The following EBF2 variants were observed in gnomAD, a reference collection of about 807,000 sequenced individuals.
EBF2 encodes transcription factor COE2.
EBF2 carries 21 observed loss-of-function variants against 72.8 expected under a neutral mutation model. The observed-to-expected ratio is 0.29, with a 90% CI of 0.20 to 0.42. EBF2 has a LOEUF of 0.42. Ranked by LOEUF, EBF2 falls within the 10% of genes least tolerant of loss-of-function variation. The pLI is 1.00. For missense variants in EBF2, 637 were observed against 731.2 expected (o/e 0.87, Z 1.49); for synonymous variants, 299 against 274.2 (o/e 1.09, Z -0.89).
At chr8:25,976,625 G>A (rs1804272690) in intron 6 of EBF2, among the ~76,000 whole-genome samples, 1 of 143,332 alleles carries the variant, frequency 7.0e-6, no homozygotes, top group Non-Finnish European at 1.6e-5. Context: ...AAAGAGATGA[G>A]GGGCTTTCTT....
chr8:26,041,017 A>T lies in EBF2; in HGVS notation c.289-15T>A. ...TTGCCTTGTTCCTGAAAAGACAGGC[A>T]GCGTTCGATTCCCTTGCCTTTCAGC... On this transcript the variant is annotated splice_polypyrimidine_tract_variant and intron_variant, in intron 2 of 15. Coordinates refer to ENST00000520164, the MANE Select transcript of EBF2 (RefSeq NM_022659.4). The T allele has an allele frequency of 6.2e-7, 1 of 1,613,928 alleles. No homozygotes were observed. Among genetic ancestry groups the T allele is most frequent in the South Asian group, 1.1e-5 (1 of 90,956 alleles).
chr8:25,975,036 T>G (rs1367527305), intron 6 of EBF2, among the ~76,000 whole-genome samples: 1 of 152,170 alleles, frequency 6.6e-6, no homozygotes, highest in African/African-American at 2.4e-5. Flanking sequence ...GCAAAGAGAT[T>G]AATCAGAGAC....
intron 6 of EBF2, among the ~76,000 whole-genome samples, chr8:25,913,130 T>G (rs1039653195): frequency 3.3e-5 from 5 of 152,150 alleles, no homozygotes; most frequent in African/African-American, 1.2e-4. Flanking sequence ...TAGTTCCTCC[T>G]TAAAATTTTT....
At chr8:25,859,661 A>C (rs1424649833) in intron 13 of EBF2, among the ~76,000 whole-genome samples, 1 of 152,036 alleles carries the variant, frequency 6.6e-6, no homozygotes, top group Non-Finnish European at 1.5e-5. Context: ...AAAGAATTTG[A>C]TATTTGTTCT....
chr8:25,921,293 T>C (rs1431897409), intron 6 of EBF2, among the ~76,000 whole-genome samples: 2 of 152,230 alleles, frequency 1.3e-5, no homozygotes, highest in Admixed American at 1.3e-4. Flanking sequence ...GTCAGCCGAC[T>C]TTCATTAGAA....
intron 6 of EBF2, among the ~76,000 whole-genome samples, chr8:25,934,903 A>G: frequency 1.1e-5 from 1 of 87,082 alleles, no homozygotes; most frequent in East Asian, 2.5e-4. Flanking sequence ...TGCCAGAACT[A>G]GTACCACCAG....
intron 6 of EBF2, among the ~76,000 whole-genome samples, chr8:25,941,374 T>A (rs556565783): frequency 5.9e-5 from 9 of 152,046 alleles, no homozygotes; most frequent in African/African-American, 2.2e-4. Context: ...CCTGGCTAAT[T>A]TTTGTATTTT....
intron 2 of EBF2, chr8:26,041,277 G>A (rs1386923711): frequency 2.7e-5 from 14 of 509,556 alleles, no homozygotes; most frequent in Non-Finnish European, 4.6e-5. Context: ...TCCGACAACA[G>A]GACCACTTGC....
rs1585238422 is a variant in EBF2 at position 26,040,930 on chromosome 8, A to G, written c.352+9T>C. 3 of 1,611,138 alleles carry G rather than the reference A, an allele frequency of 1.9e-6. No individual in the cohort carries two copies. Among genetic ancestry groups the G allele is most frequent in the Non-Finnish European group, 1.7e-6 (2 of 1,177,338 alleles). On this transcript the variant is annotated intron_variant, in intron 3 of 15. Coordinates refer to ENST00000520164, the MANE Select transcript of EBF2 (RefSeq NM_022659.4). Reference sequence around the variant, plus strand: ...GGCGCCGGCTCACCGTTGCTGTAGAAGAGCTCACCGTTGCTGTAGAGGAGC... The same window carrying G: ...GGCGCCGGCTCACCGTTGCTGTAGAGGAGCTCACCGTTGCTGTAGAGGAGC...
At chr8:25,844,872 T>A (rs1801800876) in intron 15 of EBF2, among the ~76,000 whole-genome samples, 1 of 152,248 alleles carries the variant, frequency 6.6e-6, no homozygotes, top group Non-Finnish European at 1.5e-5. Context: ...GATGAAGTTT[T>A]GCCTGGGAGG....
At chr8:25,988,901 A>T (rs1181765201) in intron 6 of EBF2, among the ~76,000 whole-genome samples, 4 of 152,208 alleles carry the variant, frequency 2.6e-5, no homozygotes, top group Non-Finnish European at 4.4e-5. Context: ...TTTCCAAAAA[A>T]CTATGTTCGT....
intron 6 of EBF2, among the ~76,000 whole-genome samples, chr8:26,005,739 G>A (rs1435248805): frequency 3.4e-5 from 5 of 148,248 alleles, no homozygotes; most frequent in African/African-American, 1.3e-4. Flanking sequence ...GCTGAGGTAG[G>A]AAGATCACTT....
chr8:25,844,712 G>T, intron 15 of EBF2, 72 bp from the exon 16 acceptor site: 1 of 1,573,012 alleles, frequency 6.4e-7, no homozygotes, highest in East Asian at 2.2e-5. Context: ...ACAGAATGAG[G>T]GGCAGGGGAT....
At chr8:25,982,139 C>T (rs905165985) in intron 6 of EBF2, among the ~76,000 whole-genome samples, 7 of 152,206 alleles carry the variant, frequency 4.6e-5, no homozygotes, top group Non-Finnish European at 7.3e-5. Context: ...TAGTTCTCTG[C>T]TCTCAGACAC....
Position 26,039,715 on chromosome 8 carries a change from G to T in EBF2, c.482+313C>A, listed in dbSNP as rs145798195. Among the ~76,000 whole-genome samples the T allele has an allele frequency of 2.8e-3, 430 of 152,330 alleles. 6 individuals carry two copies. The highest frequency in any genetic ancestry group is 0.01 in the African/African-American group (416 of 41,568). ...GGAACTCCAGCCGATCCCAAACCCG[G>T]CCCGGGGTTGCCCAGCCCGCTTCCA... On this transcript the variant is annotated intron_variant, in intron 5 of 15. Coordinates refer to ENST00000520164, the MANE Select transcript of EBF2 (RefSeq NM_022659.4).
At chr8:25,940,536 G>C (rs947298641) in intron 6 of EBF2, among the ~76,000 whole-genome samples, 1 of 151,192 alleles carries the variant, frequency 6.6e-6, no homozygotes, top group African/African-American at 2.4e-5. Context: ...AGCCATAGAG[G>C]TTCATCAGTT....
chr8:26,041,089 C>T, intron 2 of EBF2, 87 bp from the exon 3 acceptor site: 1 of 1,469,288 alleles, frequency 6.8e-7, no homozygotes, highest in Non-Finnish European at 9.4e-7. Context: ...CACCTCACAT[C>T]CCTTCTCCCC....
chr8:25,861,661 G>T (rs11993418), intron 11 of EBF2, among the ~76,000 whole-genome samples: 17,669 of 152,048 alleles, frequency 0.12, 1,104 homozygotes, highest in Middle Eastern at 0.17. Flanking sequence ...AAATTATTAA[G>T]GTCATGGAAG....
chr8:26,023,424 G>C (rs148636194), intron 6 of EBF2, among the ~76,000 whole-genome samples: 1 of 152,142 alleles, frequency 6.6e-6, no homozygotes, highest in East Asian at 1.9e-4. Flanking sequence ...GAAGAAGCTG[G>C]AAGTTGAAGC....
Sources: allele counts gnomAD v4.1 joint callset (sites outside exome capture counted in the v4.1 genomes callset), GRCh38; gene constraint gnomAD v4.1.1; transcripts MANE v1.5; gene names NCBI Gene and HGNC (gene_info 2026-07-23, HGNC 2026-07-21).